The following TRIO variants were observed in gnomAD, a reference collection of about 807,000 sequenced individuals.
The protein encoded by TRIO is trio Rho guanine nucleotide exchange factor.
Under a neutral mutation model 351.9 loss-of-function variants are expected in TRIO, and 58 were observed. The observed-to-expected ratio is 0.16, with a 90% CI of 0.13 to 0.21. The LOEUF is 0.21. TRIO is among the 10% of genes least tolerant of loss of function. TRIO has a pLI of 1.00. For synonymous variants in TRIO, 1,758 were observed against 1,595.7 expected, an observed-to-expected ratio of 1.10 and a Z score of -2.42; for missense variants, 3,201 against 4,027.8, an observed-to-expected ratio of 0.79 and a Z score of 5.56.
chr5:14,508,296 A>G lies in TRIO; in HGVS notation c.9168A>G (p.Arg3056=). The change falls in exon 57 of 57, where the codon AGA becomes AGG. Residue 3056 remains arginine, a synonymous_variant. Coordinates refer to ENST00000344204, the MANE Select transcript of TRIO (RefSeq NM_007118.4). The part of the protein sequence containing the change: ...QEQWLQAGNG[R]STGVLDTSRL... ...AGTGGCTGCAGGCCGGCAACGGCAGAAGCACGGGCGTCCTCGACACGTCCA... is the reference window on the plus strand; with the variant it reads ...AGTGGCTGCAGGCCGGCAACGGCAGGAGCACGGGCGTCCTCGACACGTCCA... The G allele has an allele frequency of 6.2e-7, 1 of 1,613,924 alleles. No homozygotes were observed. The highest frequency in any genetic ancestry group is 8.5e-7 in the Non-Finnish European group (1 of 1,180,050).
chr5:14,461,473 G>C (rs1753808101), intron 35 of TRIO, among the ~76,000 whole-genome samples, 162 bp downstream of exon 35: 1 of 152,222 alleles, frequency 6.6e-6, no homozygotes, highest in East Asian at 1.9e-4. Flanking sequence ...AGATTTAGTG[G>C]GGACACTTGA....
At chr5:14,420,808 G>A (rs971627235) in intron 34 of TRIO, 2 of 152,272 alleles carry the variant, frequency 1.3e-5, no homozygotes, top group African/African-American at 4.8e-5. Flanking sequence ...AAATTAGTCT[G>A]TTCTGCAGAG....
intron 1 of TRIO, among the ~76,000 whole-genome samples, chr5:14,255,167 C>T (rs977347050): frequency 2.6e-5 from 4 of 152,134 alleles, no homozygotes; most frequent in African/African-American, 4.8e-5. Flanking sequence ...ACTGGTCTGA[C>T]GGACAATACA....
At chr5:14,199,212 A>AAAC (rs1460920817) in intron 1 of TRIO, among the ~76,000 whole-genome samples, 4 of 148,858 alleles carry the variant, frequency 2.7e-5, no homozygotes, top group South Asian at 2.1e-4. Context: ...AAAAAAAAAA[A>AAAC]AAAAAAACCT....
At chr5:14,207,539 C>G in intron 1 of TRIO, among the ~76,000 whole-genome samples, 1 of 149,822 alleles carries the variant, frequency 6.7e-6, no homozygotes, top group African/African-American at 2.5e-5. Context: ...CACACACACA[C>G]ACACACACAC....
intron 1 of TRIO, among the ~76,000 whole-genome samples, chr5:14,232,272 G>T (rs1056786301): frequency 6.6e-6 from 1 of 152,098 alleles, no homozygotes; most frequent in Non-Finnish European, 1.5e-5. Context: ...CATAGCCTCC[G>T]TTCCTTCTGC....
rs141492551 is a variant in TRIO at position 14,405,811 on chromosome 5, C to T, written c.4717-37C>T. 2,043 of 1,597,072 alleles carry T rather than the reference C, an allele frequency of 1.3e-3. 2 individuals carry two copies. Among genetic ancestry groups the T allele is most frequent in the Middle Eastern group, 2.0e-3 (12 of 6,002 alleles). On this transcript the variant is annotated intron_variant, in intron 31 of 56. Transcript: ENST00000344204. ...GGTTAGGGCAAGGTCTGGAAAGGGC[C>T]GTTCCGTATCCTAAGCAACGCTAAC... is the stretch of plus-strand genomic sequence containing the variant.
At chr5:14,320,400 T>C (rs1235881241) in intron 9 of TRIO, among the ~76,000 whole-genome samples, 1 of 152,122 alleles carries the variant, frequency 6.6e-6, no homozygotes, top group Admixed American at 6.5e-5. Context: ...TACTCTAGCA[T>C]GTCAGGAGCA....
chr5:14,392,874 G>A (rs1277602125), intron 27 of TRIO, among the ~76,000 whole-genome samples: 4 of 148,392 alleles, frequency 2.7e-5, no homozygotes, highest in African/African-American at 1.0e-4. Flanking sequence ...GTGAAACCCC[G>A]TCACTACTAA....
intron 9 of TRIO, among the ~76,000 whole-genome samples, chr5:14,319,265 G>A (rs71614083): frequency 0.017 from 2,551 of 152,258 alleles, 31 homozygotes; most frequent in Non-Finnish European, 0.025. Flanking sequence ...TATTTTTGTT[G>A]ATGAATGATC....
chr5:14,346,523 C>A (rs2152326904), intron 11 of TRIO, among the ~76,000 whole-genome samples: 1 of 152,282 alleles, frequency 6.6e-6, no homozygotes, highest in South Asian at 2.1e-4. Flanking sequence ...GCTGAAAACG[C>A]ACTTGTGCTT....
rs572870946 is a variant in TRIO at position 14,162,272 on chromosome 5, A to G, written c.157+18390A>G. 2.6e-5 allele frequency among the ~76,000 whole-genome samples: 4 copies of G among 152,340 alleles called. No homozygotes were observed. The East Asian group carries it at 5.8e-4, about 22-fold the overall frequency. On this transcript the variant is annotated intron_variant, in intron 1 of 56. Transcript: ENST00000344204. The stretch of plus-strand genomic sequence containing the variant: ...CCTGCTCTGTGAACATACTGAAGGC[A>G]CAATTGGCCCTTCAAACTCTCATTT...
In TRIO at chr5:14,478,786, CAAAAAAA is replaced by C. The variant is rs1187243670; in HGVS notation, c.6154-462_6154-456del. On this transcript the variant is annotated intron_variant, in intron 41 of 56. Coordinates refer to ENST00000344204, the MANE Select transcript of TRIO (RefSeq NM_007118.4). ...GTGAAAAAGCAGGACTCCATCCCTA[CAAAAAAA>C]AAAAAAAAAAAATTAAAAATTAGCC... 2.7e-4 allele frequency among the ~76,000 whole-genome samples: 26 copies of C among 95,002 alleles called. 1 individual carries two copies. The highest frequency in any genetic ancestry group is 1.3e-3 in the Admixed American group (11 of 8,408). The allele number at this position is 95,002 out of a possible 152,430, so 62.3% of individuals were successfully genotyped here. A position where few individuals can be genotyped will look rare whatever the true frequency, so the allele number is the denominator to read the frequency against.
At chr5:14,192,866 G>A (rs1790540218) in intron 1 of TRIO, among the ~76,000 whole-genome samples, 1 of 152,172 alleles carries the variant, frequency 6.6e-6, no homozygotes, top group Non-Finnish European at 1.5e-5. Context: ...TGATTTACAA[G>A]TTGGAAATGA....
At chr5:14,352,885 T>C (rs990216464) in intron 11 of TRIO, among the ~76,000 whole-genome samples, 2 of 61,744 alleles carry the variant, frequency 3.2e-5, no homozygotes, top group Non-Finnish European at 7.0e-5. Context: ...CGCTAGTTTT[T>C]GGGTTTTTTT....
chr5:14,462,624 G>A (rs1753914381), intron 35 of TRIO, 131 bp from the exon 36 acceptor site: 1 of 1,271,684 alleles, frequency 7.9e-7, no homozygotes, highest in Non-Finnish European at 1.1e-6. Flanking sequence ...TTACCATCGA[G>A]GTCGAGAATA....
intron 1 of TRIO, among the ~76,000 whole-genome samples, chr5:14,157,937 A>C (rs1404362565): frequency 6.6e-6 from 1 of 152,064 alleles, no homozygotes; most frequent in Non-Finnish European, 1.5e-5. Context: ...TACGTCGCTG[A>C]CTTGGGGAGA....
At chr5:14,455,666 A>T (rs536772608) in intron 34 of TRIO, among the ~76,000 whole-genome samples, 1 of 151,884 alleles carries the variant, frequency 6.6e-6, no homozygotes, top group Non-Finnish European at 1.5e-5. Context: ...ACTAAACATA[A>T]ATGTTCTCCA....
chr5:14,426,251 C>T (rs576720995), intron 34 of TRIO, among the ~76,000 whole-genome samples: 1 of 152,332 alleles, frequency 6.6e-6, no homozygotes, highest in South Asian at 2.1e-4. Flanking sequence ...CACACACACG[C>T]ACACCTATAC....
Sources: gnomAD v4.1 joint callset for allele counts (sites outside exome capture counted in the v4.1 genomes callset) on GRCh38, gnomAD v4.1.1 for gene constraint, MANE v1.5 for transcripts, NCBI Gene and HGNC (gene_info 2026-07-23, HGNC 2026-07-21) for gene names.